CCNY: variants seen among roughly 807,000 people sequenced by gnomAD.
CCNY encodes the protein cyclin-Y.
In CCNY, 19 loss-of-function variants were observed where a neutral mutation model predicts 42.8. The observed-to-expected ratio is 0.44, with a 90% confidence interval of 0.31 to 0.65. The LOEUF is 0.65. CCNY is among the 30% of genes least tolerant of loss of function. CCNY has a pLI of 0.07. For synonymous variants in CCNY, 165 were observed against 162.7 expected (o/e 1.01, Z -0.11); for missense variants, 370 against 437.3 (o/e 0.85, Z 1.37).
chr10:35,310,548 T>A (rs1005635759), intron 3 of CCNY, among the ~76,000 whole-genome samples: 47 of 152,226 alleles, frequency 3.1e-4, no homozygotes, highest in Admixed American at 3.0e-3. Flanking sequence ...CCTTTCCCTG[T>A]ATCCTCACCA....
intron 1 of CCNY, among the ~76,000 whole-genome samples, chr10:35,367,308 G>A (rs2135167076): frequency 6.6e-6 from 1 of 152,150 alleles, no homozygotes; most frequent in Non-Finnish European, 1.5e-5. Context: ...CTATTTTGTA[G>A]TGTTCCACCA....
intron 3 of CCNY, among the ~76,000 whole-genome samples, chr10:35,282,663 C>T (rs1328489329): frequency 1.4e-5 from 2 of 145,206 alleles, no homozygotes; most frequent in Non-Finnish European, 3.0e-5. Flanking sequence ...GCAGAGGTTG[C>T]AGTGAGCCAA....
At chr10:35,505,566 C>T (rs183329803) in intron 3 of CCNY, among the ~76,000 whole-genome samples, 90 of 152,324 alleles carry the variant, frequency 5.9e-4, no homozygotes, top group African/African-American at 1.7e-3. Context: ...TTCAAACCCT[C>T]GTTCTGCCAC....
chr10:35,530,087 C>CG lies in CCNY; in HGVS notation c.460-34dup. The CG allele has an allele frequency of 6.2e-7, 1 of 1,614,064 alleles. No homozygotes were observed. ...TTAATTATTTCTCTTTTGCTCCAAT[C>CG]GGGAGATCAGTCATCTGAAAATATT... On this transcript the variant is annotated intron_variant, in intron 6 of 9. Coordinates refer to ENST00000374704, the MANE Select transcript of CCNY (RefSeq NM_145012.6). The surrounding 1 kb of genome is among the most constrained non-coding windows in gnomAD (Gnocchi z 4.3).
At chr10:35,425,560 G>T (rs1403744180) in intron 1 of CCNY, among the ~76,000 whole-genome samples, 1 of 152,210 alleles carries the variant, frequency 6.6e-6, no homozygotes, top group African/African-American at 2.4e-5. Context: ...AATTTTGTAA[G>T]TGTGAATATG....
upstream of CCNY, chr10:35,335,876 C>CACA (rs1836012714): frequency 6.6e-6 from 1 of 150,538 alleles, no homozygotes; most frequent in African/African-American, 2.6e-5. Context: ...CACACACACA[C>CACA]CCGTAGTCCT....
intron 3 of CCNY, among the ~76,000 whole-genome samples, chr10:35,317,313 C>G (rs760939256): frequency 6.6e-6 from 1 of 152,174 alleles, no homozygotes; most frequent in Non-Finnish European, 1.5e-5. Context: ...TTTCTGATCA[C>G]ACTCTGCACC....
At chr10:35,393,121 C>A (rs1253948597) in intron 1 of CCNY, among the ~76,000 whole-genome samples, 1 of 152,174 alleles carries the variant, frequency 6.6e-6, no homozygotes, top group South Asian at 2.1e-4. Flanking sequence ...CCGTCTCCTT[C>A]CCCTATTAGG....
intron 1 of CCNY, among the ~76,000 whole-genome samples, chr10:35,433,460 T>TA (rs1468654061): frequency 1.1e-4 from 16 of 152,180 alleles, no homozygotes; most frequent in Non-Finnish European, 1.5e-5. Flanking sequence ...TCAAATAGTA[T>TA]AACACAACAG....
At chr10:35,481,401 C>T (rs866158449) in intron 1 of CCNY, among the ~76,000 whole-genome samples, 27 of 152,184 alleles carry the variant, frequency 1.8e-4, no homozygotes, top group African/African-American at 6.3e-4. Context: ...TCTCAATTCT[C>T]CAAGAAATGA....
At chr10:35,331,051 G>A (rs1181894064) in intron 3 of CCNY, among the ~76,000 whole-genome samples, 3 of 152,186 alleles carry the variant, frequency 2.0e-5, no homozygotes, top group Non-Finnish European at 2.9e-5. Context: ...GAGCCACTGC[G>A]CCTGGCTAGA....
At chr10:35,446,675 C>A (rs74979754) in intron 1 of CCNY, among the ~76,000 whole-genome samples, 2,048 of 152,236 alleles carry the variant, frequency 0.013, 38 homozygotes, top group East Asian at 0.055. Context: ...CTTCTTGTTG[C>A]CAACCCTGCC....
chr10:35,343,595 G>C (rs1836235157), intron 1 of CCNY, among the ~76,000 whole-genome samples: 1 of 151,826 alleles, frequency 6.6e-6, no homozygotes, highest in African/African-American at 2.4e-5. Context: ...TTGCCATGTT[G>C]GCCAGGCCGA....
intron 3 of CCNY, among the ~76,000 whole-genome samples, chr10:35,303,731 C>T (rs879380193): frequency 2.5e-4 from 32 of 129,858 alleles, no homozygotes; most frequent in Non-Finnish European, 3.2e-4. Flanking sequence ...GAGCCGAGAT[C>T]GTACCATTGC....
chr10:35,326,972 T>C (rs956310409), intron 3 of CCNY, among the ~76,000 whole-genome samples: 6 of 152,208 alleles, frequency 3.9e-5, no homozygotes, highest in African/African-American at 1.4e-4. Flanking sequence ...ATGAAGTGTC[T>C]TCCTGCCTGG....
intron 1 of CCNY, among the ~76,000 whole-genome samples, chr10:35,464,258 T>C (rs2135334204): frequency 6.6e-6 from 1 of 152,330 alleles, no homozygotes; most frequent in East Asian, 1.9e-4. Flanking sequence ...CTTGTCCTCA[T>C]GTTCCAGCTT....
chr10:35,435,179 A>G (rs1436906810), intron 1 of CCNY, among the ~76,000 whole-genome samples: 2 of 152,176 alleles, frequency 1.3e-5, no homozygotes, highest in African/African-American at 4.8e-5. Flanking sequence ...GGTTGGAAAC[A>G]TGGATTTTAA....
In CCNY at chr10:35,361,266, A is replaced by G. The variant is rs149426561; in HGVS notation, c.154+24059A>G. Among the ~76,000 whole-genome samples, 44 of 152,322 alleles carry G rather than the reference A, an allele frequency of 2.9e-4. No homozygotes were observed. In the East Asian group the frequency reaches 6.7e-3, roughly 23 times the overall value. On this transcript the variant is annotated intron_variant, in intron 1 of 9. Coordinates refer to ENST00000374704, the MANE Select transcript of CCNY (RefSeq NM_145012.6). ...GATGTATATTTCTTTCATAATTGGG[A>G]CCATGCTTTAAATATGACTTTATAA...
intron 3 of CCNY, among the ~76,000 whole-genome samples, chr10:35,276,903 A>G (rs985898755): frequency 2.0e-5 from 3 of 152,242 alleles, no homozygotes; most frequent in Non-Finnish European, 4.4e-5. Context: ...CAGGCTCCCA[A>G]GAGCCATCTT....
Sources: gnomAD v4.1 joint callset for allele counts (sites outside exome capture counted in the v4.1 genomes callset) on GRCh38, gnomAD v4.1.1 for gene constraint, Gnocchi (gnomAD v3.1) non-coding constraint, MANE v1.5 for transcripts, NCBI Gene and HGNC (gene_info 2026-07-23, HGNC 2026-07-21) for gene names.